EIF4EBP1: variants seen among roughly 807,000 people sequenced by gnomAD.
EIF4EBP1 encodes eukaryotic translation initiation factor 4E-binding protein 1.
A neutral mutation model predicts 9.2 loss-of-function variants in EIF4EBP1; 5 were observed. That is an observed-to-expected ratio of 0.54 (90% CI 0.28 to 1.14). The LOEUF (loss-of-function observed/expected upper bound fraction) is 1.14, where lower values mean the gene tolerates loss of function less well. Among genes scored for constraint, EIF4EBP1 ranks in the 50% most tolerant of loss-of-function variants. EIF4EBP1 has a pLI of 0.09. For synonymous variants in EIF4EBP1, 62 were observed against 67.0 expected (o/e 0.93, Z 0.36); for missense variants, 139 against 169.6 (o/e 0.82, Z 1.00).
At chr8:38,040,194 C>T (rs1300296411) in intron 1 of EIF4EBP1, among the ~76,000 whole-genome samples, 1 of 152,214 alleles carries the variant, frequency 6.6e-6, no homozygotes, top group Non-Finnish European at 1.5e-5. Flanking sequence ...CTTTTTCTTA[C>T]ACTGAACAAG....
intron 1 of EIF4EBP1, among the ~76,000 whole-genome samples, chr8:38,035,864 C>T (rs1156675140): frequency 6.7e-6 from 1 of 150,262 alleles, no homozygotes; most frequent in African/African-American, 2.5e-5. Context: ...CGCGCTACCA[C>T]GCCTGGCTAA....
intron 1 of EIF4EBP1, among the ~76,000 whole-genome samples, chr8:38,031,141 C>G (rs977192883): frequency 4.6e-5 from 7 of 152,186 alleles, no homozygotes; most frequent in African/African-American, 1.7e-4. Flanking sequence ...ACGATTCCTG[C>G]AGGGCCCTTT....
intron 1 of EIF4EBP1, among the ~76,000 whole-genome samples, chr8:38,033,924 T>C (rs942772173): frequency 6.6e-6 from 1 of 151,916 alleles, no homozygotes; most frequent in Non-Finnish European, 1.5e-5. Context: ...TTTTTTGTGT[T>C]TTTAGTAGAG....
At chr8:38,047,560 C>T (rs1194216202) in intron 1 of EIF4EBP1, among the ~76,000 whole-genome samples, 3 of 151,816 alleles carry the variant, frequency 2.0e-5, no homozygotes, top group African/African-American at 7.3e-5. Context: ...TCTCAACTCA[C>T]TGCAACATCT....
chr8:38,052,697 A>T (rs900769535), intron 1 of EIF4EBP1, among the ~76,000 whole-genome samples: 2 of 151,874 alleles, frequency 1.3e-5, no homozygotes, highest in Non-Finnish European at 2.9e-5. Flanking sequence ...CAGCCTGGGC[A>T]ACAGAATGAG....
At chr8:38,044,309 C>T (rs1809422508) in intron 1 of EIF4EBP1, among the ~76,000 whole-genome samples, 1 of 152,200 alleles carries the variant, frequency 6.6e-6, no homozygotes, top group South Asian at 2.1e-4. Flanking sequence ...AGTATGGGCA[C>T]TGGAGGGCTA....
In EIF4EBP1 at chr8:38,053,144, A is replaced by C. The variant is rs754403066; in HGVS notation, c.146-3937A>C. Among the ~76,000 whole-genome samples, 5 of 152,010 alleles carry C rather than the reference A, an allele frequency of 3.3e-5. No homozygotes were observed. The South Asian group carries it at 1.0e-3, about 32-fold the overall frequency. ...ACAATTCTCCTGCTTCAACCTCCCAAGTAGCTGGGATTACAGGGGTGTGCC... is the reference window on the plus strand; with the variant it reads ...ACAATTCTCCTGCTTCAACCTCCCACGTAGCTGGGATTACAGGGGTGTGCC... On this transcript the variant is annotated intron_variant, in intron 1 of 2. Transcript: ENST00000338825.
At chr8:38,043,974 C>T (rs1036090280) in intron 1 of EIF4EBP1, among the ~76,000 whole-genome samples, 5 of 151,994 alleles carry the variant, frequency 3.3e-5, no homozygotes, top group South Asian at 4.2e-4. Context: ...GAGGGAAGAC[C>T]GAGATTCTGG....
intron 1 of EIF4EBP1, among the ~76,000 whole-genome samples, chr8:38,054,952 A>C (rs747277019): frequency 4.6e-5 from 7 of 152,082 alleles, no homozygotes; most frequent in African/African-American, 1.2e-4. Context: ...ACGGAGCCCA[A>C]ATGCACCCTG....
chr8:38,050,191 C>T (rs1343762553), intron 1 of EIF4EBP1, among the ~76,000 whole-genome samples: 4 of 152,168 alleles, frequency 2.6e-5, no homozygotes, highest in South Asian at 2.1e-4. Flanking sequence ...GGGTTGTATA[C>T]GTGAACCACT....
chr8:38,059,766 A>AC, intron 2 of EIF4EBP1, 138 bp from the exon 3 acceptor site: 1 of 879,244 alleles, frequency 1.1e-6, no homozygotes, highest in South Asian at 1.6e-5. Flanking sequence ...AAAAAAAAAA[A>AC]ACAAAAAAAC....
chr8:38,052,834 C>T (rs541583358), intron 1 of EIF4EBP1, among the ~76,000 whole-genome samples: 2 of 151,602 alleles, frequency 1.3e-5, no homozygotes, highest in South Asian at 2.1e-4. Flanking sequence ...ATTGCAGGTG[C>T]GAGCCACCTC....
chr8:38,048,534 A>AT (rs1472179893), intron 1 of EIF4EBP1, among the ~76,000 whole-genome samples: 2 of 152,044 alleles, frequency 1.3e-5, no homozygotes, highest in African/African-American at 2.4e-5. Context: ...TTATCTGCCC[A>AT]TTTTTTCCCT....
chr8:38,044,991 A>G (rs529465492), intron 1 of EIF4EBP1, among the ~76,000 whole-genome samples: 8 of 152,194 alleles, frequency 5.3e-5, no homozygotes, highest in East Asian at 1.9e-4. Flanking sequence ...CAGCACTCCA[A>G]TGCTCCTTGG....
intron 1 of EIF4EBP1, among the ~76,000 whole-genome samples, chr8:38,041,582 G>C (rs966453562): frequency 3.9e-5 from 6 of 152,204 alleles, no homozygotes; most frequent in African/African-American, 1.4e-4. Flanking sequence ...TGCAGAAGCC[G>C]ACTGGAATCA....
chr8:38,059,301 G>A (rs1275587126), intron 2 of EIF4EBP1, among the ~76,000 whole-genome samples: 3 of 151,976 alleles, frequency 2.0e-5, no homozygotes, highest in East Asian at 1.9e-4. Context: ...GTGTGGGAGC[G>A]CCACTCCACC....
chr8:38,059,052 C>T lies in EIF4EBP1; in HGVS notation c.326-852C>T, dbSNP rs186255598. Reference sequence around the variant, plus strand: ...TGAGCTATGATTGCGTAACTGCACGCCAGCCTGGCCAAGAGAGTGAGACCC... The same window carrying T: ...TGAGCTATGATTGCGTAACTGCACGTCAGCCTGGCCAAGAGAGTGAGACCC... On this transcript the variant is annotated intron_variant, in intron 2 of 2. Coordinates refer to ENST00000338825, the MANE Select transcript of EIF4EBP1 (RefSeq NM_004095.4). Among the ~76,000 whole-genome samples, 26 of 152,276 alleles carry T rather than the reference C, an allele frequency of 1.7e-4. No individual in the cohort carries two copies. The East Asian group carries it at 4.3e-3, about 25-fold the overall frequency.
intron 1 of EIF4EBP1, among the ~76,000 whole-genome samples, chr8:38,034,135 C>T (rs571122457): frequency 2.7e-4 from 41 of 152,224 alleles, no homozygotes; most frequent in African/African-American, 8.9e-4. Context: ...CAGTCTCAAA[C>T]TCCTGGGCTC....
chr8:38,037,155 C>T (rs1031285096), intron 1 of EIF4EBP1, among the ~76,000 whole-genome samples: 2 of 152,010 alleles, frequency 1.3e-5, no homozygotes, highest in Admixed American at 1.3e-4. Context: ...TTTTTGTTTA[C>T]GTGTTTGTTC....
Sources: gnomAD v4.1 joint callset for allele counts (sites outside exome capture counted in the v4.1 genomes callset) on GRCh38, gnomAD v4.1.1 for gene constraint, MANE v1.5 for transcripts, NCBI Gene and HGNC (gene_info 2026-07-23, HGNC 2026-07-21) for gene names.